GKAP1: variants seen among roughly 807,000 people sequenced by gnomAD.
The protein encoded by GKAP1 is G kinase anchoring protein 1, also known as G kinase-anchoring protein 1.
A neutral mutation model predicts 56.7 loss-of-function variants in GKAP1; 31 were observed. The observed-to-expected ratio is 0.55, with a 90% CI of 0.41 to 0.74. The LOEUF (loss-of-function observed/expected upper bound fraction) is 0.74. GKAP1 is among the 30% of genes least tolerant of loss of function. GKAP1 has a pLI of 0.00. For missense variants in GKAP1, 364 were observed against 402.3 expected (o/e 0.90, Z 0.82); for synonymous variants, 151 against 138.6 (o/e 1.09, Z -0.63).
intron 8 of GKAP1, among the ~76,000 whole-genome samples, chr9:83,760,415 T>C (rs1943550128): frequency 6.6e-6 from 1 of 152,144 alleles, no homozygotes; most frequent in Non-Finnish European, 1.5e-5. Context: ...AATACAATAA[T>C]AGCTGGTGAC....
intron 2 of GKAP1, among the ~76,000 whole-genome samples, chr9:83,815,268 A>C (rs1253694840): frequency 6.6e-6 from 1 of 151,992 alleles, no homozygotes; most frequent in Non-Finnish European, 1.5e-5. Flanking sequence ...AGCTACAAGC[A>C]GGAGAATTTT....
At chr9:83,742,385 C>G (rs1266207698) in intron 11 of GKAP1, 145 bp downstream of exon 11, 2 of 596,062 alleles carry the variant, frequency 3.4e-6, no homozygotes, top group Admixed American at 3.0e-5. Context: ...TAAACAGAAT[C>G]TTCATTCATG....
intron 4 of GKAP1, 36 bp from the exon 5 acceptor site, chr9:83,788,714 T>C (rs778259206): frequency 7.7e-7 from 1 of 1,293,610 alleles, no homozygotes; most frequent in Non-Finnish European, 1.1e-6. Context: ...ACAGACAGTA[T>C]CATTACATCA....
chr9:83,760,592 T>C (rs1472377201), intron 8 of GKAP1, among the ~76,000 whole-genome samples: 2 of 152,154 alleles, frequency 1.3e-5, no homozygotes, highest in Non-Finnish European at 2.9e-5. Flanking sequence ...CACAGATCAC[T>C]CTCAAGGATA....
rs1554742273 is a variant in GKAP1, at chr9:83,779,448, T to TATACACACACACAC, written c.585+933_585+934insGTGTGTGTGTGTAT. Among the ~76,000 whole-genome samples, 21 of 119,614 alleles carry TATACACACACACAC rather than the reference T, an allele frequency of 1.8e-4. 1 individual carries two copies. Among genetic ancestry groups the TATACACACACACAC allele is most frequent in the Admixed American group, 4.2e-4 (5 of 11,874 alleles). The allele number at this position is 119,614 out of a possible 152,430, so 78.5% of individuals were successfully genotyped here. ...AGCCATATATATATATATATATATA[T>TATACACACACACAC]ACACACACACACACACGCACATATA... On this transcript the variant is annotated intron_variant, in intron 7 of 12. Transcript: ENST00000376371.
At chr9:83,772,934 G>A (rs1191192370) in intron 7 of GKAP1, among the ~76,000 whole-genome samples, 6 of 152,162 alleles carry the variant, frequency 3.9e-5, no homozygotes, top group Middle Eastern at 3.2e-3. Context: ...AATATCAAGC[G>A]TTGGCAAGGA....
At chr9:83,756,564 A>C (rs1229191426) in intron 8 of GKAP1, among the ~76,000 whole-genome samples, 2 of 152,112 alleles carry the variant, frequency 1.3e-5, no homozygotes, top group Admixed American at 6.5e-5. Flanking sequence ...TGGTCCATCT[A>C]ACAGTTTCTA....
chr9:83,770,977 A>C (rs1943749627), intron 7 of GKAP1, among the ~76,000 whole-genome samples: 1 of 152,222 alleles, frequency 6.6e-6, no homozygotes, highest in Non-Finnish European at 1.5e-5. Context: ...TACATTCTCC[A>C]AGAAAAGGAG....
Position 83,799,336 on chromosome 9 carries a change from A to G in GKAP1, c.217-8T>C. The G allele has an allele frequency of 6.4e-7, 1 of 1,561,874 alleles. No homozygotes were observed. Among genetic ancestry groups the G allele is most frequent in the Non-Finnish European group, 8.6e-7 (1 of 1,158,912 alleles). On this transcript the variant is annotated splice_polypyrimidine_tract_variant and splice_region_variant and intron_variant, in intron 3 of 12. Coordinates refer to ENST00000376371, the MANE Select transcript of GKAP1 (RefSeq NM_025211.4). ...AAAAGCAAGATTCCTGAGCTATAAAACAAACAAAAAATATATTAAATTCAG... is the reference window on the plus strand; with the variant it reads ...AAAAGCAAGATTCCTGAGCTATAAAGCAAACAAAAAATATATTAAATTCAG...
intron 6 of GKAP1, among the ~76,000 whole-genome samples, chr9:83,782,823 C>A (rs895028477): frequency 6.6e-6 from 1 of 151,800 alleles, no homozygotes; most frequent in Non-Finnish European, 1.5e-5. Flanking sequence ...CACGCCACCA[C>A]ACGCCCACCT....
chr9:83,767,991 T>C (rs1007997587), intron 8 of GKAP1, among the ~76,000 whole-genome samples: 8 of 152,200 alleles, frequency 5.3e-5, no homozygotes, highest in African/African-American at 1.9e-4. Context: ...CAGGCTCTTT[T>C]CTCTTTTTAA....
rs1944364714 is a variant in GKAP1 at position 83,803,311 on chromosome 9, T to G, written c.216+2991A>C. Among the ~76,000 whole-genome samples, 3 of 149,790 alleles carry G rather than the reference T, an allele frequency of 2.0e-5. No individual in the cohort carries two copies. In the South Asian group the frequency reaches 6.5e-4, roughly 32 times the overall value. ...TCTCCCTCTGATGCCGAGCCGAAGC[T>G]GGACTGTACTGCTGCCATCTCGGCT... On this transcript the variant is annotated intron_variant, in intron 3 of 12. Transcript: ENST00000376371.
At chr9:83,806,249 T>C in intron 3 of GKAP1, 53 bp downstream of exon 3, 1 of 1,180,708 alleles carries the variant, frequency 8.5e-7, no homozygotes, top group Non-Finnish European at 1.2e-6. Context: ...GTATCTGTTC[T>C]CAGGATGATT....
chr9:83,781,342 G>A (rs1394475996), intron 6 of GKAP1, among the ~76,000 whole-genome samples: 5 of 152,186 alleles, frequency 3.3e-5, no homozygotes, highest in Admixed American at 6.5e-5. Context: ...CAACCTGGGC[G>A]ACAGAGCAAA....
rs996434950 is a variant in GKAP1 at position 83,817,616 on chromosome 9, G to A, written c.-275C>T. On this transcript the variant is annotated 5_prime_UTR_variant, in exon 1 of 13. Transcript: ENST00000376371. ...GCGGCCGCACTGGGCGTTGGGACTG[G>A]TCTGGGTCAAGTGTCGGCAGAGCTG... The A allele has an allele frequency of 6.6e-6, 1 of 151,380 alleles. No homozygotes were observed. The highest frequency in any genetic ancestry group is 2.4e-5 in the African/African-American group (1 of 41,290). 9.4% of individuals were successfully genotyped at this position (151,380 alleles called of 1,614,324 possible). A position where few individuals can be genotyped will look rare whatever the true frequency, so the allele number is the denominator to read the frequency against.
At chr9:83,801,288 C>CA (rs1944327367) in intron 3 of GKAP1, among the ~76,000 whole-genome samples, 2 of 152,112 alleles carry the variant, frequency 1.3e-5, no homozygotes, top group African/African-American at 2.4e-5. Flanking sequence ...AGATTCTACT[C>CA]AGAGTCTCAG....
chr9:83,767,262 G>A (rs559952329), intron 8 of GKAP1, among the ~76,000 whole-genome samples: 3 of 152,134 alleles, frequency 2.0e-5, no homozygotes, highest in Non-Finnish European at 4.4e-5. Context: ...AATATATCTT[G>A]GGTAACACTG....
intron 2 of GKAP1, among the ~76,000 whole-genome samples, chr9:83,813,900 A>G (rs1944545869): frequency 6.6e-6 from 1 of 152,186 alleles, no homozygotes; most frequent in African/African-American, 2.4e-5. Flanking sequence ...CAGGAGTTCA[A>G]GATCAGCTAG....
intron 5 of GKAP1, among the ~76,000 whole-genome samples, chr9:83,785,473 T>C (rs1944048804): frequency 6.6e-6 from 1 of 152,146 alleles, no homozygotes; most frequent in African/African-American, 2.4e-5. Context: ...CCACACGAAA[T>C]GTATTCTATC....
Sources: gnomAD v4.1 joint callset for allele counts (sites outside exome capture counted in the v4.1 genomes callset) on GRCh38, gnomAD v4.1.1 for gene constraint, MANE v1.5 for transcripts, NCBI Gene and HGNC (gene_info 2026-07-23, HGNC 2026-07-21) for gene names.